The following STK26 variants were observed in gnomAD, a reference collection of about 807,000 sequenced individuals.
STK26 encodes the protein serine/threonine-protein kinase 26.
STK26 carries 14 observed loss-of-function variants against 34.7 expected under a neutral mutation model. The ratio of observed to expected loss-of-function variants is 0.40; its 90% CI spans 0.27 to 0.63. The LOEUF (loss-of-function observed/expected upper bound fraction) is 0.63. STK26 is among the 30% of genes least tolerant of loss of function. The pLI, the probability that STK26 is intolerant of heterozygous loss-of-function variation, is 0.38. For synonymous variants in STK26, 100 were observed against 109.8 expected (o/e 0.91, Z 0.56); for missense variants, 226 against 309.1 (o/e 0.73, Z 2.02).
intron 2 of STK26, among the ~76,000 whole-genome samples, chrX:132,037,527 A>T (rs1055376715): frequency 6.3e-5 from 7 of 111,770 alleles, no homozygotes; most frequent in African/African-American, 2.3e-4. Flanking sequence ...AAATCATTGC[A>T]TTAAAGGAAC....
In STK26 at chrX:132,025,301, C is replaced by T. The variant is rs373468333; in HGVS notation, c.42+1642C>T. Among the ~76,000 whole-genome samples, 18 of 111,963 alleles carry T rather than the reference C, an allele frequency of 1.6e-4. No individual in the cohort carries two copies. In the South Asian group the frequency reaches 6.3e-3, roughly 39 times the overall value. On this transcript the variant is annotated intron_variant, in intron 2 of 11. Coordinates refer to ENST00000394334, the MANE Select transcript of STK26 (RefSeq NM_016542.4). ...TGTGCGCGAGCCTGCGTGTGTGCGT[C>T]AGCAGAGTGAGTGCCTCCAGTTCAT...
At chrX:132,047,282 C>T (rs1926529725) in intron 2 of STK26, among the ~76,000 whole-genome samples, 1 of 111,761 alleles carries the variant, frequency 8.9e-6, no homozygotes, top group African/African-American at 3.2e-5. Flanking sequence ...TCACATTTTT[C>T]AAAGGTTGAG....
chrX:132,072,097 C>G (rs1927433678), intron 8 of STK26, among the ~76,000 whole-genome samples, 171 bp from the exon 9 acceptor site: 1 of 111,655 alleles, frequency 9.0e-6, no homozygotes, highest in African/African-American at 3.3e-5. Flanking sequence ...CACTACTACT[C>G]TGTAGTAAAA....
chrX:132,063,888 C>G (rs1602774035), intron 4 of STK26, among the ~76,000 whole-genome samples: 1 of 111,441 alleles, frequency 9.0e-6, no homozygotes, highest in Middle Eastern at 4.6e-3. Flanking sequence ...ATGTTTGTGT[C>G]CCCCCAAAAT....
chrX:132,053,942 TTGTAG>T (rs1160116454), intron 2 of STK26, among the ~76,000 whole-genome samples: 1 of 112,517 alleles, frequency 8.9e-6, no homozygotes, highest in South Asian at 3.6e-4. Flanking sequence ...CCAGATTTTA[TTGTAG>T]TGAAGTGTTA....
intron 3 of STK26, among the ~76,000 whole-genome samples, chrX:132,058,981 G>A (rs1326538244): frequency 9.0e-6 from 1 of 110,918 alleles, no homozygotes; most frequent in African/African-American, 3.3e-5. Flanking sequence ...ATCTTACAAC[G>A]TTTTCATACC....
chrX:132,059,319 A>T (rs1926971295), intron 3 of STK26, among the ~76,000 whole-genome samples: 1 of 112,212 alleles, frequency 8.9e-6, no homozygotes, highest in African/African-American at 3.2e-5. Flanking sequence ...ACCTCACTGT[A>T]AGCTGGAGGA....
chrX:132,074,127 T>C lies in STK26; in HGVS notation c.1227-8T>C, dbSNP rs763899722. 1.3e-5 allele frequency: 16 copies of C among 1,200,439 alleles called. No homozygotes were observed. Among genetic ancestry groups the C allele is most frequent in the Middle Eastern group, 2.3e-4 (1 of 4,341 alleles). On this transcript the variant is annotated splice_polypyrimidine_tract_variant and splice_region_variant and intron_variant, in intron 11 of 11. Coordinates refer to ENST00000394334, the MANE Select transcript of STK26 (RefSeq NM_016542.4). The stretch of plus-strand genomic sequence containing the variant: ...TACATTGGTTTAAATTTTTTAAAAA[T>C]TTTATAGGTGTTCAGCAGACGAATC...
chrX:132,073,525 A>G (rs1465615090), intron 11 of STK26, among the ~76,000 whole-genome samples: 2 of 112,148 alleles, frequency 1.8e-5, no homozygotes, highest in Non-Finnish European at 3.8e-5. Flanking sequence ...AGGAAAAGGT[A>G]GAGGGACTCA....
chrX:132,072,277 C>A lies in STK26; in HGVS notation c.942C>A (p.Thr314=), dbSNP rs760057524. The A allele has an allele frequency of 8.3e-7, 1 of 1,206,318 alleles. No homozygotes were observed. The highest frequency in any genetic ancestry group is 1.1e-6 in the Non-Finnish European group (1 of 891,242). The change falls in exon 9 of 12, where the codon ACC becomes ACA. Residue 314 remains threonine, a synonymous_variant. Coordinates refer to ENST00000394334, the MANE Select transcript of STK26 (RefSeq NM_016542.4). ...TTGGCAATCTCTTTAGGGAATCTAC[C>A]AGCAGGGAAAACAATACTCATCCTG... ...SDSEGSDSES[T]SRENNTHPEW... is the part of the protein sequence containing the mutation.
chrX:132,069,478 G>C lies in STK26; in HGVS notation c.598G>C (p.Ala200Pro). 1.1e-6 allele frequency: 1 copy of C among 937,269 alleles called. No homozygotes were observed. Among genetic ancestry groups the C allele is most frequent in the Non-Finnish European group, 1.4e-6 (1 of 740,475 alleles). The allele number at this position is 937,269 out of a possible 1,213,427, so 77.2% of individuals were successfully genotyped here. A position where few individuals can be genotyped will look rare whatever the true frequency, so the allele number is the denominator to read the frequency against. ...VIQQSAYDSK[A>P]DIWSLGITAI... ...TATTTTCTTTTTCCTTTTACGTTAG[G>C]CTGACATTTGGTCATTGGGAATTAC... Residue 200 changes from alanine (A) to proline (P), a missense_variant and splice_region_variant, in exon 7 of 12, where the codon GCT (alanine) becomes CCT (proline). Ala to Pro is a conservative substitution (Grantham distance 27). This residue lies in a region of STK26 where 100 missense variants were observed against 176.7 expected (regional missense o/e 0.57). Transcript: ENST00000394334.
intron 4 of STK26, among the ~76,000 whole-genome samples, chrX:132,066,578 C>T (rs1187169724): frequency 1.8e-5 from 2 of 112,112 alleles, no homozygotes; most frequent in African/African-American, 6.5e-5. Context: ...GTCTCCCTGC[C>T]ACAGAGTCTT....
At chrX:132,063,665 A>G (rs1177652335) in intron 4 of STK26, among the ~76,000 whole-genome samples, 176 bp downstream of exon 4, 2 of 111,886 alleles carry the variant, frequency 1.8e-5, no homozygotes, top group East Asian at 2.8e-4. Flanking sequence ...GATGTATTGT[A>G]CGTTTGAACA....
intron 2 of STK26, among the ~76,000 whole-genome samples, chrX:132,042,172 A>G (rs1926290535): frequency 9.0e-6 from 1 of 111,276 alleles, no homozygotes; most frequent in African/African-American, 3.3e-5. Flanking sequence ...TAGGATGGAG[A>G]TAGGTTTCAG....
intron 2 of STK26, among the ~76,000 whole-genome samples, chrX:132,046,114 T>C (rs187015490): frequency 1.8e-5 from 2 of 112,188 alleles, no homozygotes; most frequent in East Asian, 5.6e-4. Context: ...ATCAAAGAAA[T>C]GTCTCATTCT....
Position 132,023,622 on chromosome X carries a change from C to T in STK26, c.5C>T (p.Ala2Val). The T allele has an allele frequency of 8.5e-7, 1 of 1,175,152 alleles. No individual in the cohort carries two copies. Among genetic ancestry groups the T allele is most frequent in the Non-Finnish European group, 1.1e-6 (1 of 876,991 alleles). M[A>V]HSPVAVQVPG... Reference sequence around the variant, plus strand: ...AGCGAGGCAGCATTCGCCTCCATGGCCCACTCGCCGGTGGCTGTCCAAGTG... The same window carrying T: ...AGCGAGGCAGCATTCGCCTCCATGGTCCACTCGCCGGTGGCTGTCCAAGTG... The change falls in exon 2 of 12, where the codon GCC (alanine) becomes GTC (valine). Residue 2 changes from alanine (A) to valine (V), a missense_variant. Around this residue, in one of 2 missense-constraint regions of STK26, gnomAD observed 100 missense variants for 176.7 expected, o/e 0.57. Transcript: ENST00000394334.
intron 2 of STK26, among the ~76,000 whole-genome samples, chrX:132,045,391 G>T (rs1407835734): frequency 2.7e-5 from 3 of 111,733 alleles, no homozygotes; most frequent in Non-Finnish European, 5.7e-5. Flanking sequence ...TGAAGGAAGG[G>T]GAACAAAGGG....
chrX:132,027,365 T>C (rs1434925404), intron 2 of STK26, among the ~76,000 whole-genome samples: 1 of 112,483 alleles, frequency 8.9e-6, no homozygotes, highest in Non-Finnish European at 1.9e-5. Flanking sequence ...TGTAGGCTAC[T>C]GTAAATGTTG....
chrX:132,055,420 C>T (rs1045918771), intron 3 of STK26: 3 of 1,086,496 alleles, frequency 2.8e-6, no homozygotes, highest in Middle Eastern at 4.9e-4. Flanking sequence ...ATCTGCCTCC[C>T]CCTCCAAATA....
Sources: gnomAD v4.1 joint callset for allele counts (sites outside exome capture counted in the v4.1 genomes callset) on GRCh38, gnomAD v4.1.1 for gene constraint, gnomAD v4.1.1 regional missense constraint, MANE v1.5 for transcripts, NCBI Gene and HGNC (gene_info 2026-07-23, HGNC 2026-07-21) for gene names.